DSCAML1: variants seen among roughly 807,000 people sequenced by gnomAD.
DSCAML1 encodes the protein DS cell adhesion molecule like 1.
DSCAML1 carries 38 observed loss-of-function variants against 200.5 expected under a neutral mutation model. The observed-to-expected ratio is 0.19, with a 90% CI of 0.15 to 0.25. The LOEUF (loss-of-function observed/expected upper bound fraction) is 0.25. DSCAML1 is among the 10% of genes least tolerant of loss of function. The pLI, the probability that DSCAML1 is intolerant of heterozygous loss-of-function variation, is 1.00. For synonymous variants in DSCAML1, 1,215 were observed against 1,165.0 expected (o/e 1.04, Z -0.87); for missense variants, 2,223 against 2,858.8 (o/e 0.78, Z 5.07).
intron 8 of DSCAML1, among the ~76,000 whole-genome samples, chr11:117,514,572 CTTTT>C (rs532136039): frequency 2.0e-5 from 2 of 98,262 alleles, no homozygotes; most frequent in African/African-American, 8.2e-5. Context: ...TTTTCTTTTT[CTTTT>C]TTTTTTTTTT....
In DSCAML1 at chr11:117,580,102, C is replaced by T. The variant is rs142220693; in HGVS notation, c.512-47580G>A. On this transcript the variant is annotated intron_variant, in intron 3 of 32. Transcript: ENST00000651296. ...GGTTGTGCTGAGCTCCTTAAGTGTT[C>T]GTATAGAAAATGAATAGATGGTCTT... Among the ~76,000 whole-genome samples, 1,449 of 152,148 alleles carry T rather than the reference C, an allele frequency of 9.5e-3. 17 individuals are homozygous for T. Among genetic ancestry groups the T allele is most frequent in the African/African-American group, 0.033 (1,370 of 41,490 alleles).
intron 3 of DSCAML1, among the ~76,000 whole-genome samples, chr11:117,551,246 A>G (rs749368065): frequency 1.3e-5 from 2 of 152,224 alleles, no homozygotes; most frequent in African/African-American, 4.8e-5. Flanking sequence ...GGGTTGAGAA[A>G]GCATTTCTGG....
intron 3 of DSCAML1, among the ~76,000 whole-genome samples, chr11:117,552,637 G>T (rs1161374534): frequency 6.6e-6 from 1 of 152,196 alleles, no homozygotes; most frequent in Non-Finnish European, 1.5e-5. Flanking sequence ...GATAATATAT[G>T]CAAGAGGGTC....
chr11:117,731,072 T>C (rs192532949), intron 3 of DSCAML1, among the ~76,000 whole-genome samples: 1 of 152,270 alleles, frequency 6.6e-6, no homozygotes, highest in African/African-American at 2.4e-5. Context: ...TTGATTGTGG[T>C]GATGGCTATA....
In DSCAML1 at chr11:117,481,989, C is replaced by T. The variant is rs147541992; in HGVS notation, c.2533G>A (p.Gly845Ser). The T allele has an allele frequency of 1.1e-4, 171 of 1,614,122 alleles. No homozygotes were observed. The highest frequency in any genetic ancestry group is 3.8e-4 in the East Asian group (17 of 44,880). The change falls in exon 12 of 33, where the codon GGC becomes AGC. Residue 845 changes from glycine to serine, a missense_variant. Coordinates refer to ENST00000651296, the MANE Select transcript of DSCAML1 (RefSeq NM_020693.4). The stretch of plus-strand genomic sequence containing the variant: ...TTCAGTGTGGAGACGACCTCGTCGC[C>T]GTTGTCCTTGGTGGCGATGGCATAC... ...MRYAIATKDN[G>S]DEVVSTLKLK...
intron 1 of DSCAML1, among the ~76,000 whole-genome samples, chr11:117,787,194 C>G (rs1420588080): frequency 6.6e-6 from 1 of 152,160 alleles, no homozygotes; most frequent in Non-Finnish European, 1.5e-5. Flanking sequence ...CTCAGTTTCC[C>G]CATCTATACA....
intron 3 of DSCAML1, among the ~76,000 whole-genome samples, chr11:117,644,358 C>T (rs1401951338): frequency 6.6e-6 from 1 of 152,234 alleles, no homozygotes; most frequent in African/African-American, 2.4e-5. Context: ...CCTGGTTTTC[C>T]GAGCTGTGCT....
intron 3 of DSCAML1, among the ~76,000 whole-genome samples, chr11:117,669,158 C>G (rs974119192): frequency 6.6e-6 from 1 of 152,212 alleles, no homozygotes; most frequent in African/African-American, 2.4e-5. Context: ...TACAGTCAAT[C>G]CAGCAGCAAA....
At chr11:117,691,455 C>G (rs761513997) in intron 3 of DSCAML1, among the ~76,000 whole-genome samples, 9 of 152,200 alleles carry the variant, frequency 5.9e-5, no homozygotes. Flanking sequence ...TTGCAGGCTT[C>G]TCTGTGTGCT....
chr11:117,451,380 G>C (rs1162104342), intron 19 of DSCAML1, among the ~76,000 whole-genome samples: 1 of 152,212 alleles, frequency 6.6e-6, no homozygotes, highest in African/African-American at 2.4e-5. Context: ...GTATGGTTGT[G>C]TACTTGTTTC....
At chr11:117,576,438 T>C (rs948815529) in intron 3 of DSCAML1, among the ~76,000 whole-genome samples, 17 of 152,314 alleles carry the variant, frequency 1.1e-4, no homozygotes, top group African/African-American at 3.8e-4. Flanking sequence ...CAGTGGACTC[T>C]CCCAACATTT....
chr11:117,592,553 C>T (rs145395433), intron 3 of DSCAML1, among the ~76,000 whole-genome samples: 89 of 152,260 alleles, frequency 5.8e-4, no homozygotes, highest in African/African-American at 1.9e-3. Context: ...ATGTGAAGAC[C>T]TCTCACTCTG....
intron 3 of DSCAML1, among the ~76,000 whole-genome samples, chr11:117,695,315 C>G (rs374648747): frequency 8.6e-6 from 1 of 116,700 alleles, no homozygotes; most frequent in Non-Finnish European, 1.8e-5. Flanking sequence ...CTTTCTTTTT[C>G]TTTTTTTTTT....
intron 1 of DSCAML1, among the ~76,000 whole-genome samples, chr11:117,792,853 C>T (rs2055497400): frequency 1.3e-5 from 2 of 152,218 alleles, no homozygotes; most frequent in Admixed American, 6.5e-5. Context: ...TGGCCCATTG[C>T]TACCCATCCT....
At chr11:117,627,490 G>C (rs2052074257) in intron 3 of DSCAML1, among the ~76,000 whole-genome samples, 1 of 152,104 alleles carries the variant, frequency 6.6e-6, no homozygotes, top group South Asian at 2.1e-4. Flanking sequence ...CGCACTGCTC[G>C]CAGCCCCACA....
intron 3 of DSCAML1, among the ~76,000 whole-genome samples, chr11:117,672,019 T>A (rs2053118512): frequency 6.9e-6 from 1 of 145,872 alleles, no homozygotes; most frequent in Non-Finnish European, 1.5e-5. Context: ...GAGAATGGCG[T>A]GAACCCGGGA....
At chr11:117,632,676 T>C in intron 3 of DSCAML1, among the ~76,000 whole-genome samples, 1 of 152,198 alleles carries the variant, frequency 6.6e-6, no homozygotes, top group Admixed American at 6.5e-5. Context: ...GGGGTTTTGT[T>C]GAGGGGAATG....
At chr11:117,555,658 G>A (rs562573259) in intron 3 of DSCAML1, among the ~76,000 whole-genome samples, 2 of 152,318 alleles carry the variant, frequency 1.3e-5, no homozygotes, top group East Asian at 3.9e-4. Flanking sequence ...CACGGGGCAG[G>A]GAGAGCAGGG....
intron 1 of DSCAML1, among the ~76,000 whole-genome samples, chr11:117,789,955 T>G (rs2055429876): frequency 6.6e-6 from 1 of 152,136 alleles, no homozygotes; most frequent in South Asian, 2.1e-4. Flanking sequence ...AGTCAGCCTC[T>G]GATTAGGGGA....
Sources: gnomAD v4.1 joint callset for allele counts (sites outside exome capture counted in the v4.1 genomes callset) on GRCh38, gnomAD v4.1.1 for gene constraint, MANE v1.5 for transcripts, NCBI Gene and HGNC (gene_info 2026-07-23, HGNC 2026-07-21) for gene names.